L3MBTL4: variants seen among roughly 807,000 people sequenced by gnomAD.
L3MBTL4 encodes lethal(3)malignant brain tumor-like protein 4.
L3MBTL4 carries 70 observed loss-of-function variants against 84.5 expected under a neutral mutation model. The ratio of observed to expected loss-of-function variants is 0.83; its 90% confidence interval spans 0.68 to 1.01. The LOEUF (loss-of-function observed/expected upper bound fraction) is 1.01, where lower values mean the gene tolerates loss of function less well. Ranked by LOEUF, L3MBTL4 falls within the 50% of genes least tolerant of loss-of-function variation. L3MBTL4 has a pLI of 0.00. For synonymous variants in L3MBTL4, 274 were observed against 259.8 expected (o/e 1.05, Z -0.52); for missense variants, 715 against 754.8 (o/e 0.95, Z 0.62).
intron 13 of L3MBTL4, among the ~76,000 whole-genome samples, chr18:6,150,324 C>CCTT (rs1326543174): frequency 2.6e-5 from 4 of 152,026 alleles, no homozygotes; most frequent in Non-Finnish European, 5.9e-5. Context: ...GTCCATAATC[C>CCTT]CTTCTCAAAC....
At chr18:6,350,608 C>A (rs1259058210) in intron 1 of L3MBTL4, among the ~76,000 whole-genome samples, 1 of 150,576 alleles carries the variant, frequency 6.6e-6, no homozygotes, top group Non-Finnish European at 1.5e-5. Context: ...AAGTGAATAC[C>A]CTGTGCATTG....
At position 6,393,376 on chromosome 18, in the gene L3MBTL4, C is replaced by T. The variant is rs544957785; in HGVS notation, c.-91+21425G>A. Among the ~76,000 whole-genome samples the T allele has an allele frequency of 1.1e-3, 174 of 152,270 alleles. 1 individual carries two copies. The Middle Eastern group carries it at 0.017, about 15-fold the overall frequency. ...GGATTGTGTTCTATGCCACCTAATT[C>T]TCACAGGGAGCATGAGTGGTGACAC... On this transcript the variant is annotated intron_variant, in intron 1 of 18. Transcript: ENST00000317931.
chr18:6,381,100 T>C lies in L3MBTL4; in HGVS notation c.-91+33701A>G, dbSNP rs574173490. On this transcript the variant is annotated intron_variant, in intron 1 of 18. Coordinates refer to ENST00000317931, the MANE Select transcript of L3MBTL4 (RefSeq NM_001330559.2). ...CCTTCTTTGTCTCTTTTGATCTTTG[T>C]TGGTTTAAAGTCTGTTTTACCAGAG... 3.3e-5 allele frequency among the ~76,000 whole-genome samples: 5 copies of C among 152,358 alleles called. No individual in the cohort carries two copies. The South Asian group carries it at 8.3e-4, about 25-fold the overall frequency.
intron 12 of L3MBTL4, among the ~76,000 whole-genome samples, chr18:6,209,540 C>T (rs1330654980): frequency 6.6e-6 from 1 of 151,766 alleles, no homozygotes; most frequent in Non-Finnish European, 1.5e-5. Context: ...TCATATACCG[C>T]TAATGGGAAA....
At chr18:6,123,077 T>A (rs1457404947) in intron 14 of L3MBTL4, among the ~76,000 whole-genome samples, 2 of 152,198 alleles carry the variant, frequency 1.3e-5, no homozygotes, top group South Asian at 2.1e-4. Flanking sequence ...TAATCTTGAT[T>A]CTTGAGGCAT....
chr18:6,214,219 A>G (rs1218345909), intron 11 of L3MBTL4, among the ~76,000 whole-genome samples: 1 of 152,232 alleles, frequency 6.6e-6, no homozygotes, highest in Non-Finnish European at 1.5e-5. Context: ...CCACAGGCTC[A>G]TGCCTGTAAT....
chr18:6,229,768 A>C (rs1010363270), intron 10 of L3MBTL4, among the ~76,000 whole-genome samples: 1 of 152,124 alleles, frequency 6.6e-6, no homozygotes, highest in African/African-American at 2.4e-5. Flanking sequence ...TCCCTTGTTG[A>C]AAATCATTTC....
chr18:5,992,840 T>C (rs997322408), intron 16 of L3MBTL4, among the ~76,000 whole-genome samples: 6 of 152,246 alleles, frequency 3.9e-5, no homozygotes, highest in African/African-American at 1.4e-4. Flanking sequence ...CCATGCTTCC[T>C]GTACAGCCTG....
At chr18:6,118,993 C>CTTTTTT (rs779523685) in intron 14 of L3MBTL4, among the ~76,000 whole-genome samples, 85 of 83,692 alleles carry the variant, frequency 1.0e-3, no homozygotes, top group African/African-American at 1.8e-3. Context: ...TTTTTGGTTT[C>CTTTTTT]TTTTTTTTTT....
At chr18:6,001,516 G>C (rs78268476) in intron 16 of L3MBTL4, among the ~76,000 whole-genome samples, 2 of 151,958 alleles carry the variant, frequency 1.3e-5, no homozygotes, top group African/African-American at 4.8e-5. Context: ...TGGGGAAGGC[G>C]GGGAATCTGA....
At chr18:6,167,155 T>C (rs993174590) in intron 13 of L3MBTL4, among the ~76,000 whole-genome samples, 1 of 152,148 alleles carries the variant, frequency 6.6e-6, no homozygotes, top group Non-Finnish European at 1.5e-5. Flanking sequence ...AATAGATCAA[T>C]AACAGGCTCT....
intron 1 of L3MBTL4, among the ~76,000 whole-genome samples, chr18:6,377,733 T>G (rs904967659): frequency 7.2e-5 from 11 of 152,238 alleles, no homozygotes; most frequent in Non-Finnish European, 1.3e-4. Flanking sequence ...TGATGGAAAT[T>G]TGGGTTGGTT....
intron 12 of L3MBTL4, among the ~76,000 whole-genome samples, chr18:6,196,408 T>C (rs1049811064): frequency 4.6e-5 from 7 of 152,142 alleles, no homozygotes; most frequent in East Asian, 1.9e-4. Flanking sequence ...CTGCCCACCC[T>C]GGCCTCCCAA....
chr18:6,275,647 G>T (rs527571876), intron 4 of L3MBTL4, among the ~76,000 whole-genome samples: 1 of 152,260 alleles, frequency 6.6e-6, no homozygotes, highest in East Asian at 1.9e-4. Flanking sequence ...CACTAAAATG[G>T]TACCTTCACA....
intron 13 of L3MBTL4, among the ~76,000 whole-genome samples, chr18:6,170,783 G>A (rs1423307268): frequency 6.6e-6 from 1 of 152,122 alleles, no homozygotes; most frequent in Non-Finnish European, 1.5e-5. Context: ...TGACATGCTG[G>A]GGTGTGAAAC....
At chr18:6,019,263 T>C (rs2055139800) in intron 16 of L3MBTL4, among the ~76,000 whole-genome samples, 1 of 152,198 alleles carries the variant, frequency 6.6e-6, no homozygotes, top group Non-Finnish European at 1.5e-5. Context: ...CCAGAGCTAG[T>C]AAGTTACTCT....
At chr18:6,330,555 C>T (rs146970340) in intron 1 of L3MBTL4, among the ~76,000 whole-genome samples, 73 of 152,312 alleles carry the variant, frequency 4.8e-4, no homozygotes, top group African/African-American at 1.6e-3. Context: ...TACATGGGTC[C>T]GCCTGAATAA....
At chr18:6,166,131 A>C (rs1272387545) in intron 13 of L3MBTL4, among the ~76,000 whole-genome samples, 1 of 152,182 alleles carries the variant, frequency 6.6e-6, no homozygotes. Context: ...AGAGCTAACT[A>C]TCCTAAATAT....
At chr18:6,163,773 T>C (rs995469446) in intron 13 of L3MBTL4, among the ~76,000 whole-genome samples, 2 of 152,092 alleles carry the variant, frequency 1.3e-5, no homozygotes, top group Non-Finnish European at 2.9e-5. Flanking sequence ...AGACAGGAAA[T>C]TTCTGCATTT....
Sources: allele counts gnomAD v4.1 joint callset (sites outside exome capture counted in the v4.1 genomes callset), GRCh38; gene constraint gnomAD v4.1.1; transcripts MANE v1.5; gene names NCBI Gene and HGNC (gene_info 2026-07-23, HGNC 2026-07-21).